The following RPH3AL variants were observed in gnomAD, a reference collection of about 807,000 sequenced individuals.
RPH3AL encodes the protein rabphilin 3A like (without C2 domains).
RPH3AL carries 38 observed loss-of-function variants against 43.1 expected under a neutral mutation model. The ratio of observed to expected loss-of-function variants is 0.88; its 90% CI spans 0.68 to 1.15. The LOEUF (loss-of-function observed/expected upper bound fraction) is 1.15, where lower values mean the gene tolerates loss of function less well. RPH3AL is among the 50% of genes most tolerant of loss of function. The pLI is 0.00. For missense variants in RPH3AL, 462 were observed against 423.2 expected (o/e 1.09, Z -0.81); for synonymous variants, 189 against 176.3 (o/e 1.07, Z -0.57).
intron 2 of RPH3AL, among the ~76,000 whole-genome samples, chr17:329,290 T>C (rs987790225): frequency 2.6e-5 from 4 of 152,060 alleles, no homozygotes; most frequent in Non-Finnish European, 2.9e-5. Flanking sequence ...CTGGCCAATA[T>C]GGTGAAACCC....
chr17:267,686 A>G (rs925834104), intron 6 of RPH3AL, among the ~76,000 whole-genome samples: 5 of 152,134 alleles, frequency 3.3e-5, no homozygotes, highest in Non-Finnish European at 5.9e-5. Flanking sequence ...CTGCTGGGGA[A>G]AGCCTCTAGT....
intron 5 of RPH3AL, among the ~76,000 whole-genome samples, chr17:284,684 G>A (rs956636516): frequency 7.9e-5 from 12 of 152,220 alleles, no homozygotes; most frequent in South Asian, 2.1e-4. Flanking sequence ...CCTCTCCCCC[G>A]GGGGCCGCCT....
chr17:319,694 G>T, intron 4 of RPH3AL, 145 bp from the exon 5 acceptor site: 1 of 939,156 alleles, frequency 1.1e-6, no homozygotes, highest in Non-Finnish European at 1.6e-6. Context: ...GGATAACAGC[G>T]AATCCTTCAT....
At position 259,037 on chromosome 17, in the gene RPH3AL, C is replaced by A. The variant is rs570485312; in HGVS notation, c.439-11752G>T. Among the ~76,000 whole-genome samples the A allele has an allele frequency of 3.8e-3, 573 of 152,288 alleles. 4 individuals carry two copies. The highest frequency in any genetic ancestry group is 0.01 in the Middle Eastern group (3 of 294). Reference sequence around the variant, plus strand: ...CACAGGCCAGGCAGGCCACGTGCCTCCCCGGGGCTCTGTGGGCAGGACCAT... The same window carrying A: ...CACAGGCCAGGCAGGCCACGTGCCTACCCGGGGCTCTGTGGGCAGGACCAT... On this transcript the variant is annotated intron_variant, in intron 6 of 9. Coordinates refer to ENST00000331302, the MANE Select transcript of RPH3AL (RefSeq NM_006987.4).
chr17:339,467 A>G (rs2045054739), intron 1 of RPH3AL: 1 of 152,432 alleles, frequency 6.6e-6, no homozygotes, highest in African/African-American at 2.4e-5. Context: ...TGCACTACCA[A>G]ACTGGGAGAG....
chr17:274,882 A>G lies in RPH3AL; in HGVS notation c.438+6886T>C, dbSNP rs1205520188. Among the ~76,000 whole-genome samples the G allele has an allele frequency of 1.3e-5, 2 of 152,254 alleles. No individual in the cohort carries two copies. The highest frequency in any genetic ancestry group is 4.8e-5 in the African/African-American group (2 of 41,468). On this transcript the variant is annotated intron_variant, in intron 6 of 9. Transcript: ENST00000331302. This position sits in a 1 kb window ranked among gnomAD's most constrained non-coding sequence, Gnocchi z 4.7. Reference sequence around the variant, plus strand: ...TCTAGGAAACATAAAGACGGGCCTTACTAATAAAATAGAAAACCAAAAGAA... The same window carrying G: ...TCTAGGAAACATAAAGACGGGCCTTGCTAATAAAATAGAAAACCAAAAGAA...
rs73971676 is a variant in RPH3AL at position 258,390 on chromosome 17, G to A, written c.439-11105C>T. Among the ~76,000 whole-genome samples the A allele has an allele frequency of 7.1e-3, 1,075 of 152,338 alleles. 14 individuals are homozygous for A. The highest frequency in any genetic ancestry group is 0.024 in the African/African-American group (1,009 of 41,574). On this transcript the variant is annotated intron_variant, in intron 6 of 9. Transcript: ENST00000331302. ...ACCTACAGTCTGCCACCTTCCCGGG[G>A]AAGAAGCCTGGGTGTTTCACTCAAG...
chr17:227,266 C>T (rs1281149976), intron 7 of RPH3AL, among the ~76,000 whole-genome samples: 1 of 152,232 alleles, frequency 6.6e-6, no homozygotes, highest in Non-Finnish European at 1.5e-5. Flanking sequence ...TCCCCCTGCT[C>T]ACTCTTGGCT....
chr17:269,630 G>C (rs534162987), intron 6 of RPH3AL, among the ~76,000 whole-genome samples: 5 of 152,336 alleles, frequency 3.3e-5, no homozygotes. Flanking sequence ...CTAAGCTTCA[G>C]TTTCTCCACC....
intron 6 of RPH3AL, among the ~76,000 whole-genome samples, chr17:277,195 G>T (rs925398442): frequency 1.3e-5 from 2 of 152,078 alleles, no homozygotes; most frequent in Non-Finnish European, 2.9e-5. Context: ...ATGACAGAAT[G>T]TTTACAAAGA....
At chr17:269,437 C>T (rs1200830204) in intron 6 of RPH3AL, among the ~76,000 whole-genome samples, 3 of 152,320 alleles carry the variant, frequency 2.0e-5, no homozygotes, top group African/African-American at 7.2e-5. Context: ...GCTATTTCAC[C>T]GTTGCTGTTT....
At chr17:292,956 G>C (rs1377898444) in intron 5 of RPH3AL, among the ~76,000 whole-genome samples, 3 of 152,218 alleles carry the variant, frequency 2.0e-5, no homozygotes, top group Non-Finnish European at 4.4e-5. Context: ...GAGGCAAGTG[G>C]AGAAACATTT....
chr17:334,918 C>T (rs561083933), intron 1 of RPH3AL, among the ~76,000 whole-genome samples: 35 of 152,300 alleles, frequency 2.3e-4, no homozygotes, highest in African/African-American at 7.9e-4. Context: ...GCAAGTGCGG[C>T]TCCTCCTTCT....
intron 5 of RPH3AL, among the ~76,000 whole-genome samples, chr17:311,941 A>C (rs901082934): frequency 2.6e-5 from 4 of 152,140 alleles, no homozygotes; most frequent in Admixed American, 2.0e-4. Flanking sequence ...GAAGGTCTTT[A>C]GGAGGTAATT....
chr17:267,031 C>G (rs1181195082), intron 6 of RPH3AL, among the ~76,000 whole-genome samples: 1 of 152,194 alleles, frequency 6.6e-6, no homozygotes, highest in Admixed American at 6.5e-5. Flanking sequence ...CGTGGGCACC[C>G]CATGGCCTTT....
intron 1 of RPH3AL, among the ~76,000 whole-genome samples, chr17:336,759 C>T (rs188149781): frequency 1.3e-5 from 2 of 152,322 alleles, no homozygotes; most frequent in East Asian, 3.9e-4. Context: ...TTGCATTCTG[C>T]CAGCCACCCC....
At chr17:288,645 A>T (rs879073206) in intron 5 of RPH3AL, among the ~76,000 whole-genome samples, 1 of 786 alleles carries the variant, frequency 1.3e-3, no homozygotes, top group Non-Finnish European at 2.9e-3. Flanking sequence ...CAGACCTCGC[A>T]CCCTCTCTCT....
chr17:231,167 T>A lies in RPH3AL; in HGVS notation c.614-11431A>T, dbSNP rs149981876. 1.6e-3 allele frequency among the ~76,000 whole-genome samples: 239 copies of A among 152,318 alleles called. 1 individual carries two copies. Among genetic ancestry groups the A allele is most frequent in the African/African-American group, 5.5e-3 (229 of 41,568 alleles). On this transcript the variant is annotated intron_variant, in intron 7 of 9. Coordinates refer to ENST00000331302, the MANE Select transcript of RPH3AL (RefSeq NM_006987.4). ...CTGCATCTCTGGGCCTCCATCTCTG[T>A]CTCTCCCTCCCCAGGTCTCTCTGTC...
chr17:299,806 G>A (rs1047816740), intron 5 of RPH3AL, among the ~76,000 whole-genome samples: 21 of 152,252 alleles, frequency 1.4e-4, no homozygotes, highest in Middle Eastern at 3.2e-3. Context: ...GGCAACGGCC[G>A]CTGAGTGGAT....
Sources: gnomAD v4.1 joint callset for allele counts (sites outside exome capture counted in the v4.1 genomes callset) on GRCh38, gnomAD v4.1.1 for gene constraint, Gnocchi (gnomAD v3.1) non-coding constraint, MANE v1.5 for transcripts, NCBI Gene and HGNC (gene_info 2026-07-23, HGNC 2026-07-21) for gene names.